The following DDX10 variants were observed in gnomAD, a reference collection of about 807,000 sequenced individuals.
DDX10 encodes the protein DEAD-box helicase 10.
In DDX10, 74 loss-of-function variants were observed where a neutral mutation model predicts 104.3. The observed-to-expected ratio is 0.71, with a 90% CI of 0.59 to 0.86. DDX10 has a LOEUF of 0.86. DDX10 is among the 40% of genes least tolerant of loss of function. DDX10 has a pLI of 0.00. For synonymous variants in DDX10, 351 were observed against 353.4 expected (o/e 0.99, Z 0.08); for missense variants, 952 against 1,040.0 (o/e 0.92, Z 1.16).
At chr11:108,711,197 A>G (rs2094283800) in intron 10 of DDX10, among the ~76,000 whole-genome samples, 1 of 152,210 alleles carries the variant, frequency 6.6e-6, no homozygotes, top group Admixed American at 6.5e-5. Flanking sequence ...GTTGCATTCC[A>G]CAAAGTTTGC....
intron 15 of DDX10, among the ~76,000 whole-genome samples, chr11:108,849,656 T>A (rs1231710708): frequency 6.6e-6 from 1 of 152,142 alleles, no homozygotes; most frequent in Non-Finnish European, 1.5e-5. Context: ...ATTTGTAGCA[T>A]GGCAGAACTA....
rs969070406 is a variant in DDX10 at position 108,715,722 on chromosome 11, A to T, written c.1323-157A>T. Among the ~76,000 whole-genome samples the T allele has an allele frequency of 2.0e-5, 3 of 152,216 alleles. No homozygotes were observed. In the East Asian group the frequency reaches 5.8e-4, roughly 29 times the overall value. On this transcript the variant is annotated intron_variant, in intron 10 of 17. Transcript: ENST00000322536. ...GTTATTCATAGTAGGTAAGAGTGTC[A>T]AACTTATGTCTAGTTTAATTTCCGT...
chr11:108,834,150 G>A (rs1045018238), intron 13 of DDX10, among the ~76,000 whole-genome samples: 3 of 143,606 alleles, frequency 2.1e-5, no homozygotes, highest in Non-Finnish European at 3.0e-5. Flanking sequence ...TTAATTTTTA[G>A]TAGAGACTGA....
intron 16 of DDX10, among the ~76,000 whole-genome samples, chr11:108,867,232 T>A (rs1360899195): frequency 2.0e-5 from 3 of 152,154 alleles, no homozygotes; most frequent in Non-Finnish European, 4.4e-5. Flanking sequence ...ATAATTATAA[T>A]AAGTAGTTTG....
intron 13 of DDX10, among the ~76,000 whole-genome samples, chr11:108,783,442 C>T (rs953563621): frequency 2.0e-5 from 3 of 152,040 alleles, no homozygotes; most frequent in Non-Finnish European, 2.9e-5. Flanking sequence ...AGAAGGCTGG[C>T]TGTAAAAGGC....
At chr11:108,828,484 A>G (rs184961524) in intron 13 of DDX10, among the ~76,000 whole-genome samples, 1 of 152,264 alleles carries the variant, frequency 6.6e-6, no homozygotes, top group African/African-American at 2.4e-5. Flanking sequence ...CCATTATTTC[A>G]TTCCTTTTTA....
At chr11:108,717,417 C>T (rs2094292917) in intron 11 of DDX10, among the ~76,000 whole-genome samples, 1 of 152,134 alleles carries the variant, frequency 6.6e-6, no homozygotes, top group Admixed American at 6.5e-5. Flanking sequence ...TCAGGTGATT[C>T]TCCTGCTTCA....
chr11:108,722,811 C>G (rs2094299902), intron 12 of DDX10, among the ~76,000 whole-genome samples, 186 bp from the exon 13 acceptor site: 1 of 152,136 alleles, frequency 6.6e-6, no homozygotes, highest in African/African-American at 2.4e-5. Context: ...TGTTTTCTGA[C>G]AGGTGTTGAG....
At chr11:108,732,614 GACA>G (rs1463301232) in intron 13 of DDX10, among the ~76,000 whole-genome samples, 1 of 152,150 alleles carries the variant, frequency 6.6e-6, no homozygotes, top group East Asian at 1.9e-4. Context: ...TGCAGTGAAG[GACA>G]ACAAGATTTT....
intron 13 of DDX10, among the ~76,000 whole-genome samples, chr11:108,763,632 C>A (rs560739443): frequency 1.3e-5 from 2 of 152,194 alleles, no homozygotes; most frequent in African/African-American, 4.8e-5. Context: ...TATAGTCATA[C>A]TGTGATACAA....
At chr11:108,805,003 G>A (rs138027560) in intron 13 of DDX10, among the ~76,000 whole-genome samples, 368 of 152,322 alleles carry the variant, frequency 2.4e-3, no homozygotes, top group African/African-American at 8.6e-3. Context: ...CCCACACTGA[G>A]GCTGAGGGGA....
intron 13 of DDX10, among the ~76,000 whole-genome samples, chr11:108,729,539 G>A (rs1204472898): frequency 6.6e-6 from 1 of 150,850 alleles, no homozygotes; most frequent in East Asian, 1.9e-4. Flanking sequence ...TTCTCAGAGT[G>A]AAAAAAACAA....
intron 12 of DDX10, among the ~76,000 whole-genome samples, chr11:108,721,743 G>A (rs1045241856): frequency 2.0e-5 from 3 of 152,112 alleles, no homozygotes; most frequent in Non-Finnish European, 4.4e-5. Context: ...TATATTAAAG[G>A]TTTTAAAATT....
At chr11:108,676,310 G>A (rs1389884839) in intron 3 of DDX10, among the ~76,000 whole-genome samples, 1 of 151,700 alleles carries the variant, frequency 6.6e-6, no homozygotes, top group East Asian at 1.9e-4. Flanking sequence ...TTTAGTTTTT[G>A]TTCCAAATAT....
intron 13 of DDX10, among the ~76,000 whole-genome samples, chr11:108,758,915 A>G (rs1472800549): frequency 6.6e-6 from 1 of 152,080 alleles, no homozygotes; most frequent in African/African-American, 2.4e-5. Context: ...TGGCTACCAC[A>G]GTAACTGATG....
chr11:108,715,331 C>G lies in DDX10; in HGVS notation c.1323-548C>G, dbSNP rs190138339. On this transcript the variant is annotated intron_variant, in intron 10 of 17. Transcript: ENST00000322536. The stretch of plus-strand genomic sequence containing the variant: ...GAGTTCCAGACCAGCCTGGGCAAAA[C>G]AGTGAGACCATGTCTCTGCAAAAGA... 2.0e-5 allele frequency among the ~76,000 whole-genome samples: 3 copies of G among 152,218 alleles called. No homozygotes were observed. The East Asian group carries it at 5.8e-4, about 29-fold the overall frequency.
Position 108,719,697 on chromosome 11 carries a change from G to C in DDX10, c.1411-100G>C. ...TACTGAACTATTTCGTGGTTTTTCA[G>C]TACTATTGAATTTATCCCATTGGCT... On this transcript the variant is annotated intron_variant, in intron 11 of 17. Coordinates refer to ENST00000322536, the MANE Select transcript of DDX10 (RefSeq NM_004398.4). 7.6e-6 allele frequency: 5 copies of C among 662,062 alleles called. No individual in the cohort carries two copies. In the South Asian group the frequency reaches 8.2e-5, roughly 11 times the overall value. The allele number at this position is 662,062 out of a possible 1,614,324, so 41.0% of individuals were successfully genotyped here.
At chr11:108,734,947 A>G (rs1258590749) in intron 13 of DDX10, among the ~76,000 whole-genome samples, 1 of 152,208 alleles carries the variant, frequency 6.6e-6, no homozygotes, top group Non-Finnish European at 1.5e-5. Context: ...TCATAAGACC[A>G]CTTTTTAAGT....
chr11:108,905,762 A>C (rs1863588230), intron 16 of DDX10, among the ~76,000 whole-genome samples: 1 of 152,138 alleles, frequency 6.6e-6, no homozygotes, highest in Non-Finnish European at 1.5e-5. Flanking sequence ...AAAATACCTG[A>C]GACTTGGTAA....
Sources: gnomAD v4.1 joint callset for allele counts (sites outside exome capture counted in the v4.1 genomes callset) on GRCh38, gnomAD v4.1.1 for gene constraint, MANE v1.5 for transcripts, NCBI Gene and HGNC (gene_info 2026-07-23, HGNC 2026-07-21) for gene names.